The following VSTM4 variants were observed in gnomAD, a reference collection of about 807,000 sequenced individuals.
The protein encoded by VSTM4 is V-set and transmembrane domain-containing protein 4.
Under a neutral mutation model 36.4 loss-of-function variants are expected in VSTM4, and 20 were observed. The observed-to-expected ratio is 0.55, with a 90% CI of 0.39 to 0.80. VSTM4 has a LOEUF of 0.80. Ranked by LOEUF, VSTM4 falls within the 30% of genes least tolerant of loss-of-function variation. The pLI, the probability that VSTM4 is intolerant of heterozygous loss-of-function variation, is 0.00. For synonymous variants in VSTM4, 182 were observed against 173.9 expected (o/e 1.05, Z -0.37); for missense variants, 392 against 404.5 (o/e 0.97, Z 0.26).
At chr10:49,052,863 A>G (rs1273869822) in intron 5 of VSTM4, among the ~76,000 whole-genome samples, 1 of 152,192 alleles carries the variant, frequency 6.6e-6, no homozygotes, top group East Asian at 1.9e-4. Flanking sequence ...ATTTTCCTTC[A>G]AAACAGTAAA....
intron 4 of VSTM4, among the ~76,000 whole-genome samples, chr10:49,066,831 TA>T (rs1335162201): frequency 1.3e-5 from 2 of 152,074 alleles, no homozygotes; most frequent in Non-Finnish European, 2.9e-5. Flanking sequence ...ATGAGGAAAT[TA>T]AAAAATTATT....
intron 7 of VSTM4, among the ~76,000 whole-genome samples, chr10:49,028,301 T>C (rs1003775571): frequency 6.6e-6 from 1 of 152,246 alleles, no homozygotes; most frequent in African/African-American, 2.4e-5. Context: ...TCCTGGACTC[T>C]GGGCATCACA....
intron 7 of VSTM4, among the ~76,000 whole-genome samples, chr10:49,026,499 G>T (rs1490933943): frequency 6.6e-6 from 1 of 152,222 alleles, no homozygotes. Flanking sequence ...TCTGTTTCAA[G>T]ATAAAGTGAA....
chr10:49,039,489 A>C (rs1590077821), intron 7 of VSTM4, among the ~76,000 whole-genome samples: 1 of 152,134 alleles, frequency 6.6e-6, no homozygotes, highest in African/African-American at 2.4e-5. Flanking sequence ...GGAAACGTGC[A>C]GTGATTAAGC....
intron 2 of VSTM4, among the ~76,000 whole-genome samples, chr10:49,096,869 G>C (rs753533062): frequency 5.3e-5 from 8 of 152,122 alleles, no homozygotes; most frequent in Non-Finnish European, 1.2e-4. Flanking sequence ...TAGCCAGGCT[G>C]GTCTTGAACT....
At chr10:49,108,143 C>A in intron 1 of VSTM4, 148 bp from the exon 2 acceptor site, 1 of 1,160,570 alleles carries the variant, frequency 8.6e-7, no homozygotes. Flanking sequence ...CCTCACCTCT[C>A]CAGAGGAGGG....
At chr10:49,057,117 G>A in intron 5 of VSTM4, among the ~76,000 whole-genome samples, 1 of 152,028 alleles carries the variant, frequency 6.6e-6, no homozygotes. Context: ...AGCCATTCAT[G>A]AGGGATCTGC....
At chr10:49,069,600 C>T (rs1261292329) in intron 4 of VSTM4, among the ~76,000 whole-genome samples, 1 of 152,224 alleles carries the variant, frequency 6.6e-6, no homozygotes, top group Non-Finnish European at 1.5e-5. Context: ...CCTTACTACA[C>T]ACAGCCCTGT....
intron 7 of VSTM4, among the ~76,000 whole-genome samples, chr10:49,036,103 A>G (rs2943252): frequency 0.69 from 105,000 of 152,076 alleles, 37,023 homozygotes; most frequent in East Asian, 0.9. Context: ...TGTGGGAGAG[A>G]TATGATCTTG....
intron 6 of VSTM4, 136 bp from the exon 7 acceptor site, chr10:49,047,180 G>A (rs1843625725): frequency 3.5e-6 from 3 of 858,180 alleles, no homozygotes; most frequent in African/African-American, 1.7e-5. Context: ...TCTGATCTAG[G>A]TGTCAGCAAG....
At chr10:49,075,167 T>G (rs1564584072) in intron 4 of VSTM4, among the ~76,000 whole-genome samples, 1 of 152,240 alleles carries the variant, frequency 6.6e-6, no homozygotes, top group African/African-American at 2.4e-5. Flanking sequence ...CTGAAGCCTC[T>G]CTGTGAGGCC....
chr10:49,081,823 C>A (rs983607250), intron 3 of VSTM4, among the ~76,000 whole-genome samples: 3 of 152,216 alleles, frequency 2.0e-5, no homozygotes, highest in Non-Finnish European at 4.4e-5. Flanking sequence ...CTGTTTTGTT[C>A]TTGAAGCTAC....
intron 4 of VSTM4, among the ~76,000 whole-genome samples, chr10:49,075,107 C>T (rs187114980): frequency 6.6e-6 from 1 of 152,348 alleles, no homozygotes; most frequent in East Asian, 1.9e-4. Flanking sequence ...GCAAATGGGA[C>T]CATCTGAGGC....
At chr10:49,055,218 C>A (rs1259792615) in intron 5 of VSTM4, among the ~76,000 whole-genome samples, 1 of 152,224 alleles carries the variant, frequency 6.6e-6, no homozygotes, top group Non-Finnish European at 1.5e-5. Context: ...CCCCTGAGCT[C>A]TTCTTGCTCC....
chr10:49,084,873 T>G (rs189209003), intron 3 of VSTM4, among the ~76,000 whole-genome samples: 1 of 152,358 alleles, frequency 6.6e-6, no homozygotes, highest in South Asian at 2.1e-4. Flanking sequence ...GCACTCTGGA[T>G]ACTTGGAGCC....
intron 7 of VSTM4, among the ~76,000 whole-genome samples, chr10:49,031,017 G>A (rs1843338211): frequency 6.6e-6 from 1 of 152,178 alleles, no homozygotes; most frequent in Admixed American, 6.5e-5. Context: ...ATAGATGTTT[G>A]AATTCCCAGC....
At chr10:49,057,124 C>G (rs1274944477) in intron 5 of VSTM4, among the ~76,000 whole-genome samples, 1 of 152,072 alleles carries the variant, frequency 6.6e-6, no homozygotes, top group African/African-American at 2.4e-5. Context: ...CATGAGGGAT[C>G]TGCCCCCATG....
rs189449426 is a variant in VSTM4, at chr10:49,023,371, C to G, written c.838-3596G>C. 7.0e-3 allele frequency among the ~76,000 whole-genome samples: 1,070 copies of G among 152,338 alleles called. 5 individuals carry two copies. Among genetic ancestry groups the G allele is most frequent in the Non-Finnish European group, 8.7e-3 (591 of 68,034 alleles). Reference sequence around the variant, plus strand: ...AATTCCTAATGGCCAATGAAAGGGGCAAATGCATATTCCTCACTGGTTTTC... The same window carrying G: ...AATTCCTAATGGCCAATGAAAGGGGGAAATGCATATTCCTCACTGGTTTTC... On this transcript the variant is annotated intron_variant, in intron 7 of 7. Coordinates refer to ENST00000332853, the MANE Select transcript of VSTM4 (RefSeq NM_001031746.5).
In VSTM4 at chr10:49,017,766, G is replaced by A. The variant is rs181338144; in HGVS notation, c.*1884C>T. On this transcript the variant is annotated 3_prime_UTR_variant, in exon 8 of 8. Coordinates refer to ENST00000332853, the MANE Select transcript of VSTM4 (RefSeq NM_001031746.5). ...CCCCACAAACCCATAAGGCTCTTTG[G>A]GCAAATTAGGAGATCATCCTCTGCC... is the stretch of plus-strand genomic sequence containing the variant. 1.3e-4 allele frequency: 20 copies of A among 152,162 alleles called. No individual in the cohort carries two copies. Among genetic ancestry groups the A allele is most frequent in the African/African-American group, 4.6e-4 (19 of 41,498 alleles). 9.4% of individuals were successfully genotyped at this position (152,162 alleles called of 1,614,324 possible).
Sources: gnomAD v4.1 joint callset for allele counts (sites outside exome capture counted in the v4.1 genomes callset) on GRCh38, gnomAD v4.1.1 for gene constraint, MANE v1.5 for transcripts, NCBI Gene and HGNC (gene_info 2026-07-23, HGNC 2026-07-21) for gene names.